GALNT17: variants seen among roughly 807,000 people sequenced by gnomAD.
GALNT17 encodes the protein polypeptide N-acetylgalactosaminyltransferase 17.
In GALNT17, 29 loss-of-function variants were observed where a neutral mutation model predicts 63.7. The ratio of observed to expected loss-of-function variants is 0.46; its 90% CI spans 0.34 to 0.62. The LOEUF is 0.62. Among genes scored for constraint, GALNT17 ranks in the 20% least tolerant of loss-of-function variants. The pLI is 0.01. For synonymous variants in GALNT17, 305 were observed against 318.3 expected (o/e 0.96, Z 0.45); for missense variants, 603 against 799.6 (o/e 0.75, Z 2.97).
intron 6 of GALNT17, among the ~76,000 whole-genome samples, chr7:71,627,006 G>A (rs377151201): frequency 3.9e-5 from 6 of 152,124 alleles, no homozygotes; most frequent in Admixed American, 1.3e-4. Flanking sequence ...TTGTGACCTC[G>A]GGGTAAAGGA....
intron 1 of GALNT17, among the ~76,000 whole-genome samples, chr7:71,202,155 A>T (rs1789186461): frequency 6.6e-6 from 1 of 152,200 alleles, no homozygotes; most frequent in African/African-American, 2.4e-5. Flanking sequence ...TGCATTTTAC[A>T]TAAAACAATA....
At chr7:71,317,618 A>G (rs950511933) in intron 1 of GALNT17, among the ~76,000 whole-genome samples, 1 of 152,242 alleles carries the variant, frequency 6.6e-6, no homozygotes, top group African/African-American at 2.4e-5. Flanking sequence ...TGTTTATTCT[A>G]AAGCTGGATT....
chr7:71,177,643 C>T (rs376444042), intron 1 of GALNT17, among the ~76,000 whole-genome samples: 19 of 152,028 alleles, frequency 1.2e-4, no homozygotes, highest in East Asian at 3.9e-4. Flanking sequence ...ATGGAAAAGA[C>T]GTTCCAGTTA....
At chr7:71,416,134 G>C in intron 4 of GALNT17, 71 bp downstream of exon 4, 1 of 1,515,748 alleles carries the variant, frequency 6.6e-7, no homozygotes, top group Non-Finnish European at 8.9e-7. Flanking sequence ...GAATCTGGGA[G>C]GTGGGACATT....
intron 1 of GALNT17, among the ~76,000 whole-genome samples, chr7:71,162,654 A>G (rs986854381): frequency 3.9e-5 from 6 of 152,164 alleles, no homozygotes; most frequent in Non-Finnish European, 8.8e-5. Flanking sequence ...ATGGATACCC[A>G]TCCTGTGGAT....
chr7:71,424,863 T>C (rs1166194864), intron 5 of GALNT17, among the ~76,000 whole-genome samples: 4 of 152,206 alleles, frequency 2.6e-5, no homozygotes, highest in Admixed American at 2.0e-4. Flanking sequence ...ATCATCCAAA[T>C]GGTGTTAGAT....
intron 9 of GALNT17, among the ~76,000 whole-genome samples, chr7:71,691,561 A>G (rs759729452): frequency 4.6e-5 from 7 of 152,342 alleles, no homozygotes; most frequent in African/African-American, 4.8e-5. Context: ...TCCTGCCAGA[A>G]TGGATTGATG....
intron 3 of GALNT17, among the ~76,000 whole-genome samples, chr7:71,392,130 A>AT: frequency 6.6e-6 from 1 of 152,298 alleles, no homozygotes; most frequent in South Asian, 2.1e-4. Context: ...TATTCAAACC[A>AT]TATAGTAGGT....
intron 1 of GALNT17, among the ~76,000 whole-genome samples, chr7:71,263,890 C>G (rs937029190): frequency 3.9e-5 from 6 of 152,294 alleles, no homozygotes; most frequent in African/African-American, 1.2e-4. Context: ...CACCACTGCA[C>G]TCCAGCCTGG....
intron 1 of GALNT17, among the ~76,000 whole-genome samples, chr7:71,278,501 G>C (rs542779637): frequency 6.6e-6 from 1 of 152,234 alleles, no homozygotes; most frequent in Non-Finnish European, 1.5e-5. Context: ...CTCTGCCTCT[G>C]TCTTCACATG....
intron 1 of GALNT17, among the ~76,000 whole-genome samples, chr7:71,156,135 G>A (rs1056486862): frequency 6.6e-6 from 1 of 151,818 alleles, no homozygotes; most frequent in South Asian, 2.1e-4. Flanking sequence ...GGCAGAGGTT[G>A]CGGTGAGCTG....
chr7:71,377,837 C>G (rs533061836), intron 2 of GALNT17, among the ~76,000 whole-genome samples: 4 of 152,268 alleles, frequency 2.6e-5, no homozygotes, highest in South Asian at 4.1e-4. Context: ...CCTTCCTTCT[C>G]TCTCCTGCCG....
At chr7:71,295,278 T>G (rs1053392817) in intron 1 of GALNT17, among the ~76,000 whole-genome samples, 4 of 152,180 alleles carry the variant, frequency 2.6e-5, no homozygotes, top group Non-Finnish European at 5.9e-5. Flanking sequence ...TTTGGACATG[T>G]CTAGAACATT....
intron 3 of GALNT17, among the ~76,000 whole-genome samples, chr7:71,408,728 T>G (rs907070538): frequency 6.6e-5 from 10 of 151,974 alleles, no homozygotes; most frequent in African/African-American, 2.4e-4. Context: ...AATAAATTAG[T>G]TGGGCATGGT....
At chr7:71,346,044 AAAG>A (rs1415779382) in intron 2 of GALNT17, among the ~76,000 whole-genome samples, 1 of 147,036 alleles carries the variant, frequency 6.8e-6, no homozygotes, top group Non-Finnish European at 1.5e-5. Context: ...AAAAAAAAAA[AAAG>A]CTGGATATGG....
chr7:71,478,735 CA>C (rs1416268787), intron 5 of GALNT17, among the ~76,000 whole-genome samples: 7 of 152,016 alleles, frequency 4.6e-5, no homozygotes, highest in Non-Finnish European at 1.0e-4. Context: ...GCTTCACAGA[CA>C]AAGGTCTGTG....
chr7:71,542,152 G>A (rs1050280044), intron 5 of GALNT17, among the ~76,000 whole-genome samples: 2 of 152,126 alleles, frequency 1.3e-5, no homozygotes, highest in Non-Finnish European at 2.9e-5. Flanking sequence ...CTGAGATGTG[G>A]GGAACAGGCT....
intron 5 of GALNT17, among the ~76,000 whole-genome samples, chr7:71,428,417 C>A (rs1362711992): frequency 6.6e-6 from 1 of 151,874 alleles, no homozygotes; most frequent in African/African-American, 2.4e-5. Context: ...ATCAGAAATC[C>A]ATTGCTTTTC....
At chr7:71,688,046 T>C (rs1791388039) in intron 9 of GALNT17, among the ~76,000 whole-genome samples, 1 of 152,168 alleles carries the variant, frequency 6.6e-6, no homozygotes, top group African/African-American at 2.4e-5. Flanking sequence ...AAATGGGAGA[T>C]GAAACAGAAA....
Sources: gnomAD v4.1 joint callset for allele counts (sites outside exome capture counted in the v4.1 genomes callset) on GRCh38, gnomAD v4.1.1 for gene constraint, MANE v1.5 for transcripts, NCBI Gene and HGNC (gene_info 2026-07-23, HGNC 2026-07-21) for gene names.